Variants in CHRM3 observed in about 807,000 individuals in gnomAD.
CHRM3 encodes cholinergic receptor muscarinic 3, also known as muscarinic acetylcholine receptor M3.
A neutral mutation model predicts 41.8 loss-of-function variants in CHRM3; 11 were observed. The ratio of observed to expected loss-of-function variants is 0.26; its 90% confidence interval spans 0.17 to 0.44. CHRM3 has a LOEUF of 0.44. Ranked by LOEUF, CHRM3 falls within the 20% of genes least tolerant of loss-of-function variation. CHRM3 has a pLI of 1.00. For synonymous variants in CHRM3, 297 were observed against 301.4 expected, an observed-to-expected ratio of 0.99 and a Z score of 0.15; for missense variants, 571 against 745.4, an observed-to-expected ratio of 0.77 and a Z score of 2.72.
chr1:239,435,856 T>C (rs972097662), intron 1 of CHRM3, among the ~76,000 whole-genome samples: 6 of 152,084 alleles, frequency 3.9e-5, no homozygotes, highest in African/African-American at 1.4e-4. Flanking sequence ...TATAAGGCAA[T>C]GTTAGGAGGA....
intron 6 of CHRM3, among the ~76,000 whole-genome samples, chr1:239,835,280 G>T (rs895349704): frequency 2.6e-5 from 4 of 152,296 alleles, no homozygotes; most frequent in Middle Eastern, 3.4e-3. Context: ...GATGAACAGA[G>T]CTGGCTCTGC....
At chr1:239,881,766 C>T (rs1039228582) in intron 6 of CHRM3, among the ~76,000 whole-genome samples, 1 of 152,056 alleles carries the variant, frequency 6.6e-6, no homozygotes, top group Non-Finnish European at 1.5e-5. Context: ...AATTTCTACC[C>T]TTTTGTGGTT....
intron 2 of CHRM3, among the ~76,000 whole-genome samples, chr1:239,497,379 G>A (rs1558267539): frequency 6.6e-6 from 1 of 152,102 alleles, no homozygotes; most frequent in African/African-American, 2.4e-5. Flanking sequence ...AGAGATTGGG[G>A]GTCACTGAGC....
chr1:239,738,797 A>C, intron 5 of CHRM3, among the ~76,000 whole-genome samples: 1 of 152,296 alleles, frequency 6.6e-6, no homozygotes, highest in South Asian at 2.1e-4. Flanking sequence ...TCACTTAGAA[A>C]AGCACTGTGT....
At chr1:239,429,211 A>G (rs1288109736) in intron 1 of CHRM3, among the ~76,000 whole-genome samples, 1 of 152,166 alleles carries the variant, frequency 6.6e-6, no homozygotes, top group Non-Finnish European at 1.5e-5. Context: ...AGCTTTTTGC[A>G]TGTCTAACAA....
intron 6 of CHRM3, among the ~76,000 whole-genome samples, chr1:239,833,613 TCCTGCA>T (rs2149110473): frequency 6.6e-6 from 1 of 152,314 alleles, no homozygotes; most frequent in Non-Finnish European, 1.5e-5. Flanking sequence ...GCCGAGGAAT[TCCTGCA>T]CGCTGGCTGA....
intron 1 of CHRM3, among the ~76,000 whole-genome samples, chr1:239,442,019 A>G (rs9970217): frequency 0.045 from 6,810 of 152,306 alleles, 491 homozygotes; most frequent in African/African-American, 0.15. Flanking sequence ...GAGATAGACC[A>G]CATACTAATT....
intron 1 of CHRM3, among the ~76,000 whole-genome samples, chr1:239,477,716 T>G (rs1666562268): frequency 6.6e-6 from 1 of 152,154 alleles, no homozygotes; most frequent in Non-Finnish European, 1.5e-5. Flanking sequence ...GCCGAGGGCA[T>G]GGGTGAAAAT....
intron 1 of CHRM3, among the ~76,000 whole-genome samples, chr1:239,395,692 C>T (rs1398651217): frequency 6.6e-6 from 1 of 152,168 alleles, no homozygotes; most frequent in Non-Finnish European, 1.5e-5. Flanking sequence ...TCAGGTGATG[C>T]AGATACTGCT....
intron 1 of CHRM3, among the ~76,000 whole-genome samples, chr1:239,460,323 A>G (rs556268483): frequency 2.0e-5 from 3 of 152,118 alleles, no homozygotes; most frequent in African/African-American, 7.2e-5. Flanking sequence ...TTCCCCCATC[A>G]TAATTTAAGG....
At chr1:239,673,693 A>G (rs555135805) in intron 4 of CHRM3, among the ~76,000 whole-genome samples, 1 of 152,214 alleles carries the variant, frequency 6.6e-6, no homozygotes, top group Non-Finnish European at 1.5e-5. Context: ...TTTCATTAAC[A>G]TATATATAGT....
intron 5 of CHRM3, among the ~76,000 whole-genome samples, chr1:239,791,030 T>G (rs1417191106): frequency 6.7e-5 from 10 of 148,490 alleles, no homozygotes; most frequent in African/African-American, 2.5e-4. Context: ...GGAAAATATC[T>G]GTAGGAGTCG....
At chr1:239,897,131 T>A (rs1223693752) in intron 6 of CHRM3, among the ~76,000 whole-genome samples, 1 of 152,196 alleles carries the variant, frequency 6.6e-6, no homozygotes, top group East Asian at 1.9e-4. Context: ...CCCTGCATGC[T>A]ATGGCAGGTT....
At chr1:239,833,966 A>G (rs776800715) in intron 6 of CHRM3, among the ~76,000 whole-genome samples, 2 of 152,204 alleles carry the variant, frequency 1.3e-5, no homozygotes, top group Non-Finnish European at 2.9e-5. Flanking sequence ...GAGCCAGTCT[A>G]TACAACAGCA....
chr1:239,711,129 T>A (rs542949877), intron 5 of CHRM3, among the ~76,000 whole-genome samples: 1 of 152,122 alleles, frequency 6.6e-6, no homozygotes, highest in East Asian at 1.9e-4. Context: ...CAGATGAGAT[T>A]CCTTAGATAA....
chr1:239,552,141 A>ATATGATATATATTTATTATAT (rs1659890139), intron 3 of CHRM3, among the ~76,000 whole-genome samples: 1 of 149,166 alleles, frequency 6.7e-6, no homozygotes, highest in Non-Finnish European at 1.5e-5. Flanking sequence ...TGTATTTAAT[A>ATATGATATATATTTATTATAT]TATGATATAT....
chr1:239,802,543 G>A (rs1670301628), intron 5 of CHRM3, among the ~76,000 whole-genome samples: 1 of 152,186 alleles, frequency 6.6e-6, no homozygotes, highest in South Asian at 2.1e-4. Context: ...GGGAGGAAAA[G>A]AAGCAGGGGG....
intron 4 of CHRM3, among the ~76,000 whole-genome samples, chr1:239,656,476 G>T (rs931152082): frequency 3.4e-5 from 5 of 147,282 alleles, no homozygotes; most frequent in African/African-American, 1.3e-4. Context: ...AAAGAAAAAA[G>T]AAAAAAGAAA....
intron 2 of CHRM3, among the ~76,000 whole-genome samples, chr1:239,518,181 C>T (rs1214462806): frequency 6.6e-6 from 1 of 152,050 alleles, no homozygotes; most frequent in African/African-American, 2.4e-5. Flanking sequence ...TTAAAGAGCA[C>T]GAGGAAAGAC....
Sources: allele counts gnomAD v4.1 joint callset (sites outside exome capture counted in the v4.1 genomes callset), GRCh38; gene constraint gnomAD v4.1.1; transcripts MANE v1.5; gene names NCBI Gene and HGNC (gene_info 2026-07-23, HGNC 2026-07-21).